The following OSBPL10 variants were observed in gnomAD, a reference collection of about 807,000 sequenced individuals.
OSBPL10 encodes the protein oxysterol-binding protein-related protein 10.
Under a neutral mutation model 81.7 loss-of-function variants are expected in OSBPL10, and 49 were observed. The observed-to-expected ratio is 0.60, with a 90% CI of 0.48 to 0.76. The LOEUF is 0.76. OSBPL10 is among the 30% of genes least tolerant of loss of function. OSBPL10 has a pLI of 0.00. For missense variants in OSBPL10, 923 were observed against 987.8 expected (o/e 0.93, Z 0.88); for synonymous variants, 419 against 383.6 (o/e 1.09, Z -1.08).
At chr3:32,014,672 G>A (rs1300596323) in intron 2 of OSBPL10, among the ~76,000 whole-genome samples, 1 of 152,182 alleles carries the variant, frequency 6.6e-6, no homozygotes, top group Non-Finnish European at 1.5e-5. Context: ...GTTTGCAGAT[G>A]ACATGACTGT....
At chr3:31,820,984 G>A (rs1449824463) in intron 4 of OSBPL10, among the ~76,000 whole-genome samples, 1 of 152,122 alleles carries the variant, frequency 6.6e-6, no homozygotes, top group Non-Finnish European at 1.5e-5. Flanking sequence ...TTTAGATGGA[G>A]GAAGACAAGG....
intron 4 of OSBPL10, among the ~76,000 whole-genome samples, chr3:31,815,703 C>A (rs1461170917): frequency 6.6e-6 from 1 of 152,096 alleles, no homozygotes; most frequent in Non-Finnish European, 1.5e-5. Context: ...CTAGAATGAG[C>A]CCCTGGCGGT....
chr3:31,942,501 C>T (rs1244137220), intron 1 of OSBPL10, among the ~76,000 whole-genome samples: 2 of 147,576 alleles, frequency 1.4e-5, no homozygotes, highest in African/African-American at 5.1e-5. Context: ...CATCATTGCA[C>T]TCCAGCCTGG....
At chr3:31,938,807 A>G (rs896175760) in intron 1 of OSBPL10, among the ~76,000 whole-genome samples, 1 of 151,998 alleles carries the variant, frequency 6.6e-6, no homozygotes, top group African/African-American at 2.4e-5. Context: ...GGCTTTTTCA[A>G]ACCTCCTCGA....
intron 1 of OSBPL10, among the ~76,000 whole-genome samples, chr3:31,965,239 G>A (rs1181186609): frequency 1.3e-5 from 2 of 150,358 alleles, no homozygotes; most frequent in Non-Finnish European, 3.0e-5. Flanking sequence ...GCGTGGTGGT[G>A]GGCACCTGTA....
chr3:31,959,733 C>G (rs897200287), intron 1 of OSBPL10, among the ~76,000 whole-genome samples: 2 of 152,138 alleles, frequency 1.3e-5, no homozygotes, highest in African/African-American at 2.4e-5. Context: ...CGACAAACTC[C>G]GTGTGTAACT....
chr3:31,682,587 G>A (rs568010065), intron 8 of OSBPL10, among the ~76,000 whole-genome samples: 1 of 152,298 alleles, frequency 6.6e-6, no homozygotes. Flanking sequence ...CCTTAGTGAG[G>A]CCTTCCCACT....
chr3:31,980,866 G>C (rs945094666), intron 1 of OSBPL10, 33 bp downstream of exon 1: 2 of 1,532,626 alleles, frequency 1.3e-6, no homozygotes, highest in African/African-American at 2.8e-5. Flanking sequence ...CACACACAGC[G>C]GCGCGCGGTG....
At chr3:31,980,868 C>A in intron 1 of OSBPL10, 31 bp downstream of exon 1, 1 of 1,536,788 alleles carries the variant, frequency 6.5e-7, no homozygotes, top group Non-Finnish European at 8.7e-7. Context: ...CACACAGCGG[C>A]GCGCGGTGGC....
At chr3:31,732,606 A>C (rs1431732807) in intron 6 of OSBPL10, 1 of 152,498 alleles carries the variant, frequency 6.6e-6, no homozygotes, top group Admixed American at 6.5e-5. Context: ...AAAAGGAAAC[A>C]CTGCATTTGG....
intron 1 of OSBPL10, among the ~76,000 whole-genome samples, chr3:31,926,292 C>CCCCCCG (rs987421368): frequency 2.1e-5 from 3 of 144,496 alleles, no homozygotes; most frequent in South Asian, 4.6e-4. Context: ...TGATTTTGCC[C>CCCCCCG]CCCCAGAGGA....
chr3:31,968,153 C>T (rs980890080), intron 1 of OSBPL10, among the ~76,000 whole-genome samples: 1 of 152,058 alleles, frequency 6.6e-6, no homozygotes, highest in East Asian at 1.9e-4. Flanking sequence ...CCCCTTTACC[C>T]TTAAATACTT....
intron 7 of OSBPL10, among the ~76,000 whole-genome samples, chr3:31,688,596 A>C (rs1700859254): frequency 6.6e-6 from 1 of 152,192 alleles, no homozygotes; most frequent in South Asian, 2.1e-4. Flanking sequence ...GATGAACTGC[A>C]TGAGAGACAC....
rs558936637 is a variant in OSBPL10 at position 31,926,947 on chromosome 3, T to A, written c.282-47117A>T. ...CAACATGGCGAAACCCTGTCTCTAC[T>A]AAAAATATAAAAAATTAGCTGGGTA... On this transcript the variant is annotated intron_variant, in intron 1 of 11. Transcript: ENST00000396556. 2.4e-3 allele frequency among the ~76,000 whole-genome samples: 364 copies of A among 152,076 alleles called. 3 individuals are homozygous for A. Among genetic ancestry groups the A allele is most frequent in the African/African-American group, 8.1e-3 (337 of 41,486 alleles).
rs80230627 is a variant in OSBPL10, at chr3:31,901,377, G to A, written c.282-21547C>T. Among the ~76,000 whole-genome samples the A allele has an allele frequency of 0.02, 3,064 of 152,176 alleles. 169 individuals carry two copies. In the East Asian group the frequency reaches 0.22, roughly 11 times the overall value. On this transcript the variant is annotated intron_variant, in intron 1 of 11. Coordinates refer to ENST00000396556, the MANE Select transcript of OSBPL10 (RefSeq NM_017784.5). The stretch of plus-strand genomic sequence containing the variant: ...CTCACCTCTGCAGTCTGCTCATTCC[G>A]CCTGCTCTGGCCACAGTGGCCATCT...
At chr3:31,883,147 G>A (rs1695636293) in intron 1 of OSBPL10, among the ~76,000 whole-genome samples, 1 of 151,986 alleles carries the variant, frequency 6.6e-6, no homozygotes, top group Non-Finnish European at 1.5e-5. Flanking sequence ...AAGGAGACTA[G>A]GTAGGCTCAC....
At chr3:31,679,071 C>T (rs1700569333) in intron 8 of OSBPL10, among the ~76,000 whole-genome samples, 1 of 152,072 alleles carries the variant, frequency 6.6e-6, no homozygotes, top group Non-Finnish European at 1.5e-5. Flanking sequence ...CCCAGCCACG[C>T]ACTCACTGCT....
At chr3:31,856,403 G>T (rs527306852) in intron 3 of OSBPL10, among the ~76,000 whole-genome samples, 2 of 152,204 alleles carry the variant, frequency 1.3e-5, no homozygotes, top group South Asian at 4.1e-4. Flanking sequence ...AAAAATTCTA[G>T]AAGAAAAATG....
intron 1 of OSBPL10, among the ~76,000 whole-genome samples, chr3:32,073,512 T>C (rs528087664): frequency 1.3e-5 from 2 of 152,152 alleles, no homozygotes; most frequent in African/African-American, 4.8e-5. Context: ...CTCCTGGAAA[T>C]TGCAAGTACT....
Sources: allele counts gnomAD v4.1 joint callset (sites outside exome capture counted in the v4.1 genomes callset), GRCh38; gene constraint gnomAD v4.1.1; transcripts MANE v1.5; gene names NCBI Gene and HGNC (gene_info 2026-07-23, HGNC 2026-07-21).